The following SGCZ variants were observed in gnomAD, a reference collection of about 807,000 sequenced individuals.
SGCZ encodes the protein zeta-sarcoglycan.
Under a neutral mutation model 41.3 loss-of-function variants are expected in SGCZ, and 40 were observed. That is an observed-to-expected ratio of 0.97 (90% CI 0.75 to 1.26). The LOEUF is 1.26. Among genes scored for constraint, SGCZ ranks in the 50% most tolerant of loss-of-function variants. The pLI, the probability that SGCZ is intolerant of heterozygous loss-of-function variation, is 0.00. For missense variants in SGCZ, 552 were observed against 369.8 expected, an observed-to-expected ratio of 1.49 and a Z score of -4.04; for synonymous variants, 206 against 137.5, an observed-to-expected ratio of 1.50 and a Z score of -3.49.
chr8:14,818,685 G>C (rs1029237911), intron 1 of SGCZ, among the ~76,000 whole-genome samples: 4 of 152,066 alleles, frequency 2.6e-5, no homozygotes, highest in Non-Finnish European at 4.4e-5. Context: ...ATTCACTGAA[G>C]TCAAGAAAAC....
chr8:14,448,310 A>T (rs1003380556), intron 2 of SGCZ, among the ~76,000 whole-genome samples: 2 of 152,354 alleles, frequency 1.3e-5, no homozygotes, highest in Middle Eastern at 3.4e-3. Flanking sequence ...TGCATGGCAG[A>T]AACTTTTCTG....
At chr8:14,817,430 G>A (rs1801941509) in intron 1 of SGCZ, among the ~76,000 whole-genome samples, 1 of 152,192 alleles carries the variant, frequency 6.6e-6, no homozygotes, top group African/African-American at 2.4e-5. Flanking sequence ...TCGCTTCAGA[G>A]TAGGAGGCCA....
intron 4 of SGCZ, among the ~76,000 whole-genome samples, chr8:14,167,552 C>A (rs1444274522): frequency 6.6e-6 from 1 of 150,968 alleles, no homozygotes; most frequent in Admixed American, 6.6e-5. Flanking sequence ...AACTCACAAT[C>A]AACAAAGAGA....
rs1305520833 is a variant in SGCZ, at chr8:14,087,716, A to ATTTT, written c.*2726_*2727insAAAA. 7.4e-6 allele frequency among the ~76,000 whole-genome samples: 1 copy of ATTTT among 135,798 alleles called. No homozygotes were observed. The highest frequency in any genetic ancestry group is 2.2e-4 in the South Asian group (1 of 4,592). 89.1% of individuals were successfully genotyped at this position (135,798 alleles called of 152,430 possible). A position where few individuals can be genotyped will look rare whatever the true frequency, so the allele number is the denominator to read the frequency against. On this transcript the variant is annotated 3_prime_UTR_variant, in exon 8 of 8. Coordinates refer to ENST00000382080, the MANE Select transcript of SGCZ (RefSeq NM_139167.4). The stretch of plus-strand genomic sequence containing the variant: ...CAATTAAGGGACCACTATATTTTTA[A>ATTTT]AAAAAAAAAAATGCTTTTTTGTGTT...
At chr8:14,401,905 C>T (rs991445385) in intron 2 of SGCZ, among the ~76,000 whole-genome samples, 3 of 150,632 alleles carry the variant, frequency 2.0e-5, no homozygotes, top group South Asian at 2.1e-4. Context: ...GTCCCACCAA[C>T]AGTGTAAAAG....
chr8:15,104,068 C>A (rs1190110111), intron 1 of SGCZ, among the ~76,000 whole-genome samples: 2 of 152,142 alleles, frequency 1.3e-5, no homozygotes, highest in Admixed American at 1.3e-4. Context: ...CCCAAACGAA[C>A]CTTTCTCACG....
intron 2 of SGCZ, among the ~76,000 whole-genome samples, chr8:14,553,888 CA>C (rs1366366328): frequency 6.6e-6 from 1 of 152,022 alleles, no homozygotes; most frequent in African/African-American, 2.4e-5. Flanking sequence ...GCAGTCTGGT[CA>C]GCAGTGAAAG....
chr8:14,473,519 C>T, intron 2 of SGCZ, among the ~76,000 whole-genome samples: 1 of 152,032 alleles, frequency 6.6e-6, no homozygotes, highest in East Asian at 1.9e-4. Context: ...CTACCAAAAA[C>T]TAAAATATCA....
intron 1 of SGCZ, among the ~76,000 whole-genome samples, chr8:14,958,626 A>G (rs1400160864): frequency 6.6e-6 from 1 of 152,120 alleles, no homozygotes; most frequent in Non-Finnish European, 1.5e-5. Flanking sequence ...CTACATCTCA[A>G]TAGGAGTTTG....
chr8:14,409,571 T>A (rs540099936), intron 2 of SGCZ, among the ~76,000 whole-genome samples: 6 of 152,156 alleles, frequency 3.9e-5, no homozygotes, highest in Non-Finnish European at 7.4e-5. Context: ...TGTCTTTTAC[T>A]CTGTACAAAG....
chr8:15,078,936 G>T (rs978294334), intron 1 of SGCZ, among the ~76,000 whole-genome samples: 1 of 151,686 alleles, frequency 6.6e-6, no homozygotes, highest in Non-Finnish European at 1.5e-5. Flanking sequence ...CAACTTTATG[G>T]ATTATACCAT....
Position 14,549,065 on chromosome 8 carries a change from C to T in SGCZ, c.234+5667G>A, listed in dbSNP as rs140773668. 5.9e-3 allele frequency among the ~76,000 whole-genome samples: 898 copies of T among 152,080 alleles called. 7 individuals are homozygous for T. The highest frequency in any genetic ancestry group is 0.021 in the African/African-American group (862 of 41,482). ...TGGTAGTAATTTACCAGTTAATTGC[C>T]GGCCAATGCTGCCTGTTAATTACCA... On this transcript the variant is annotated intron_variant, in intron 2 of 7. Coordinates refer to ENST00000382080, the MANE Select transcript of SGCZ (RefSeq NM_139167.4).
At chr8:15,183,959 G>A (rs545338537) in intron 1 of SGCZ, among the ~76,000 whole-genome samples, 8 of 152,122 alleles carry the variant, frequency 5.3e-5, no homozygotes, top group African/African-American at 1.7e-4. Context: ...GCAAAGAGAA[G>A]GAAGAATTAT....
intron 1 of SGCZ, among the ~76,000 whole-genome samples, chr8:14,699,797 A>T (rs1021797505): frequency 1.8e-4 from 28 of 151,906 alleles, no homozygotes; most frequent in African/African-American, 6.8e-4. Context: ...CACAAAAGAC[A>T]TGAACGGGCA....
chr8:14,629,672 T>C (rs1332301694), intron 1 of SGCZ, among the ~76,000 whole-genome samples: 1 of 152,084 alleles, frequency 6.6e-6, no homozygotes, highest in African/African-American at 2.4e-5. Context: ...CAAAGGTGAA[T>C]CCTTGTCTAT....
In SGCZ at chr8:14,991,832, T is replaced by A. The variant is rs573529075; in HGVS notation, c.39+245753A>T. ...TTACCTCTCACCCATCGTCCTCATC[T>A]AATCGACACACAAATCTACCCCCAA... On this transcript the variant is annotated intron_variant, in intron 1 of 7. Coordinates refer to ENST00000382080, the MANE Select transcript of SGCZ (RefSeq NM_139167.4). 6.7e-5 allele frequency among the ~76,000 whole-genome samples: 10 copies of A among 148,600 alleles called. No individual in the cohort carries two copies. In the South Asian group the frequency reaches 2.2e-3, roughly 32 times the overall value.
At chr8:15,166,528 G>A (rs1269768707) in intron 1 of SGCZ, among the ~76,000 whole-genome samples, 1 of 152,126 alleles carries the variant, frequency 6.6e-6, no homozygotes. Flanking sequence ...GATTACAGGT[G>A]TGAGCCACCA....
At chr8:14,413,414 T>C (rs928450006) in intron 2 of SGCZ, among the ~76,000 whole-genome samples, 10 of 151,992 alleles carry the variant, frequency 6.6e-5, no homozygotes, top group Admixed American at 3.3e-4. Flanking sequence ...CTTTATTCTC[T>C]TTCTTCTATC....
intron 1 of SGCZ, among the ~76,000 whole-genome samples, chr8:14,863,523 A>G (rs112501542): frequency 6.6e-6 from 1 of 152,108 alleles, no homozygotes; most frequent in African/African-American, 2.4e-5. Context: ...TTTAATTTCA[A>G]ATAAGTGCCT....
Sources: allele counts gnomAD v4.1 joint callset (sites outside exome capture counted in the v4.1 genomes callset), GRCh38; gene constraint gnomAD v4.1.1; transcripts MANE v1.5; gene names NCBI Gene and HGNC (gene_info 2026-07-23, HGNC 2026-07-21).